Variants in DISC1 observed in about 807,000 individuals in gnomAD.
DISC1 encodes the protein disrupted in schizophrenia 1 protein.
A neutral mutation model predicts 84.5 loss-of-function variants in DISC1; 57 were observed. That is an observed-to-expected ratio of 0.67 (90% CI 0.55 to 0.84). The LOEUF is 0.84. Ranked by LOEUF, DISC1 falls within the 40% of genes least tolerant of loss-of-function variation. DISC1 has a pLI of 0.00. For synonymous variants in DISC1, 411 were observed against 415.2 expected (o/e 0.99, Z 0.12); for missense variants, 1,000 against 1,057.8 (o/e 0.95, Z 0.76).
intron 3 of DISC1, among the ~76,000 whole-genome samples, chr1:231,729,586 A>G (rs2071238493): frequency 6.6e-6 from 1 of 152,232 alleles, no homozygotes; most frequent in African/African-American, 2.4e-5. Context: ...GCCAAAAGAA[A>G]ATAGCTTCAT....
In DISC1 at chr1:231,694,252, G is replaced by C; in HGVS notation, c.494G>C (p.Ser165Thr). 6.2e-7 allele frequency: 1 copy of C among 1,614,254 alleles called. No individual in the cohort carries two copies. Among genetic ancestry groups the C allele is most frequent in the Non-Finnish European group, 8.5e-7 (1 of 1,180,040 alleles). ...GACGCCAGCTGGGAGGCAGCCTGCA[G>C]CGATGGAGCAAGGCGTGTCCGGGCA... ...TLDASWEAAC[S>T]DGARRVRAAG... Residue 165 changes from serine to threonine, a missense_variant, in exon 2 of 13, where the codon AGC becomes ACC. Coordinates refer to ENST00000439617, the MANE Select transcript of DISC1 (RefSeq NM_018662.3).
At position 231,827,105 on chromosome 1, in the gene DISC1, A is replaced by G. The variant is rs530221553; in HGVS notation, c.1981+8588A>G. On this transcript the variant is annotated intron_variant, in intron 9 of 12. Transcript: ENST00000439617. ...CCGGGTTCAGGCAATTCTTTGCCTC[A>G]GCCTCCCGAATAGCTGGGATTACAG... 1.8e-4 allele frequency among the ~76,000 whole-genome samples: 28 copies of G among 152,180 alleles called. No individual in the cohort carries two copies. The South Asian group carries it at 5.6e-3, about 30-fold the overall frequency.
At chr1:231,850,814 T>C (rs2083839582) in intron 9 of DISC1, among the ~76,000 whole-genome samples, 1 of 152,242 alleles carries the variant, frequency 6.6e-6, no homozygotes, top group Admixed American at 6.5e-5. Flanking sequence ...ATTGCCCTGA[T>C]ATCTCTTGCT....
chr1:231,770,700 T>C (rs747613392), intron 5 of DISC1, 135 bp from the exon 6 acceptor site: 11 of 1,452,962 alleles, frequency 7.6e-6, no homozygotes, highest in African/African-American at 2.8e-5. Flanking sequence ...CCTCCAAAAA[T>C]CTGCCTGCCT....
At chr1:232,035,038 G>A (rs1235391428) in intron 12 of DISC1, among the ~76,000 whole-genome samples, 1 of 152,208 alleles carries the variant, frequency 6.6e-6, no homozygotes, top group East Asian at 1.9e-4. Context: ...AAATGATAGA[G>A]TCTGGGGAAG....
intron 1 of DISC1, among the ~76,000 whole-genome samples, chr1:231,687,412 G>A (rs1314782687): frequency 6.6e-6 from 1 of 152,112 alleles, no homozygotes; most frequent in Non-Finnish European, 1.5e-5. Flanking sequence ...AAAAGCAGAA[G>A]CCCTTGATAA....
intron 2 of DISC1, among the ~76,000 whole-genome samples, chr1:231,695,302 T>G (rs1050127683): frequency 2.0e-5 from 3 of 152,234 alleles, no homozygotes; most frequent in Non-Finnish European, 4.4e-5. Context: ...ATTGAACCTC[T>G]TTGGCTCTCA....
intron 1 of DISC1, among the ~76,000 whole-genome samples, chr1:231,634,793 C>T (rs1310517124): frequency 2.0e-5 from 3 of 152,104 alleles, no homozygotes; most frequent in African/African-American, 7.2e-5. Context: ...TGCCTATAGT[C>T]CCAGCTCCTT....
chr1:231,871,481 C>T (rs2085459843), intron 9 of DISC1, among the ~76,000 whole-genome samples: 1 of 152,196 alleles, frequency 6.6e-6, no homozygotes, highest in South Asian at 2.1e-4. Context: ...AGTGGGTTCT[C>T]TCTTTGACTA....
intron 5 of DISC1, among the ~76,000 whole-genome samples, chr1:231,769,688 C>T (rs958585187): frequency 6.6e-6 from 1 of 152,046 alleles, no homozygotes; most frequent in Non-Finnish European, 1.5e-5. Flanking sequence ...GGATGGATGG[C>T]AGTGATGGTT....
chr1:231,917,228 T>C (rs1038299715), intron 9 of DISC1, among the ~76,000 whole-genome samples: 9 of 152,306 alleles, frequency 5.9e-5, no homozygotes, highest in African/African-American at 1.7e-4. Context: ...TGCTGAACAA[T>C]CCTCCTACCT....
intron 9 of DISC1, among the ~76,000 whole-genome samples, chr1:231,821,413 A>T (rs1397380526): frequency 2.6e-5 from 4 of 152,210 alleles, no homozygotes; most frequent in Non-Finnish European, 4.4e-5. Flanking sequence ...GCAAAGGGAG[A>T]CAGACCTCAT....
intron 9 of DISC1, among the ~76,000 whole-genome samples, chr1:231,922,728 C>T (rs557250405): frequency 1.4e-4 from 21 of 151,932 alleles, no homozygotes; most frequent in Non-Finnish European, 1.5e-5. Context: ...CTGGTGAGTG[C>T]ACCCTCCCTC....
At chr1:231,729,579 A>G (rs1357525841) in intron 3 of DISC1, among the ~76,000 whole-genome samples, 2 of 152,248 alleles carry the variant, frequency 1.3e-5, no homozygotes, top group East Asian at 3.8e-4. Context: ...CTCTTCAGCC[A>G]AAAGAAAATA....
intron 9 of DISC1, 37 bp from the exon 10 acceptor site, chr1:231,958,791 A>G: frequency 1.9e-6 from 3 of 1,586,316 alleles, no homozygotes; most frequent in Non-Finnish European, 2.6e-6. Flanking sequence ...TTGTGACTGC[A>G]GTTGCATTAA....
intron 3 of DISC1, among the ~76,000 whole-genome samples, chr1:231,718,688 G>A (rs1472041244): frequency 6.6e-6 from 1 of 151,964 alleles, no homozygotes; most frequent in African/African-American, 2.4e-5. Flanking sequence ...TGCCCGCCTC[G>A]GCCTCCCAAA....
chr1:231,899,245 A>T (rs1220354155), intron 9 of DISC1, among the ~76,000 whole-genome samples: 1 of 152,132 alleles, frequency 6.6e-6, no homozygotes, highest in Non-Finnish European at 1.5e-5. Flanking sequence ...CGTCAGAGTC[A>T]CCTGGTGGGC....
intron 9 of DISC1, among the ~76,000 whole-genome samples, chr1:231,847,202 G>A (rs1038210285): frequency 6.6e-6 from 1 of 151,884 alleles, no homozygotes; most frequent in African/African-American, 2.4e-5. Flanking sequence ...TTCTCCCTGC[G>A]TCCTCCCTCA....
In DISC1 at chr1:232,039,534, T is replaced by C. The variant is rs571782360; in HGVS notation, c.*2703T>C. 1 of 152,226 alleles carries C rather than the reference T, an allele frequency of 6.6e-6. No individual in the cohort carries two copies. Among genetic ancestry groups the C allele is most frequent in the African/African-American group, 2.4e-5 (1 of 41,544 alleles). 9.4% of individuals were successfully genotyped at this position (152,226 alleles called of 1,614,324 possible). ...TTAACCACAAGCCATAACTCATCTGTTGTCTTTGCTTGGTCTTAGAGTATC... is the reference window on the plus strand; with the variant it reads ...TTAACCACAAGCCATAACTCATCTGCTGTCTTTGCTTGGTCTTAGAGTATC... On this transcript the variant is annotated 3_prime_UTR_variant, in exon 13 of 13. Coordinates refer to ENST00000439617, the MANE Select transcript of DISC1 (RefSeq NM_018662.3).
Sources: allele counts gnomAD v4.1 joint callset (sites outside exome capture counted in the v4.1 genomes callset), GRCh38; gene constraint gnomAD v4.1.1; transcripts MANE v1.5; gene names NCBI Gene and HGNC (gene_info 2026-07-23, HGNC 2026-07-21).